NR6A1: variants seen among roughly 807,000 people sequenced by gnomAD.
NR6A1 encodes the protein nuclear receptor subfamily 6 group A member 1.
Under a neutral mutation model 59.1 loss-of-function variants are expected in NR6A1, and 7 were observed. The observed-to-expected ratio is 0.12, with a 90% CI of 0.07 to 0.22. The LOEUF is 0.22. NR6A1 is among the 10% of genes least tolerant of loss of function. The probability of loss-of-function intolerance (pLI) is 1.00; values close to 1 mark genes in which losing one functional copy is unlikely to be tolerated. For synonymous variants in NR6A1, 243 were observed against 236.1 expected (o/e 1.03, Z -0.27); for missense variants, 468 against 611.6 (o/e 0.77, Z 2.48).
chr9:124,536,515 C>T (rs762910849), intron 6 of NR6A1, among the ~76,000 whole-genome samples: 2 of 151,884 alleles, frequency 1.3e-5, no homozygotes, highest in Admixed American at 6.6e-5. Context: ...AAAAATTAGC[C>T]GGGCGTGGTA....
chr9:124,595,421 AAAC>A (rs1237783202), intron 2 of NR6A1, among the ~76,000 whole-genome samples: 2 of 152,196 alleles, frequency 1.3e-5, no homozygotes, highest in South Asian at 2.1e-4. Context: ...GTCAAGAAAT[AAAC>A]AACAATTTTT....
chr9:124,668,585 A>G (rs1837698384), intron 2 of NR6A1, among the ~76,000 whole-genome samples: 1 of 152,200 alleles, frequency 6.6e-6, no homozygotes, highest in African/African-American at 2.4e-5. Context: ...ATTCTTACTA[A>G]TATCTTAGTG....
At chr9:124,668,492 T>C (rs1408055961) in intron 2 of NR6A1, among the ~76,000 whole-genome samples, 1 of 152,238 alleles carries the variant, frequency 6.6e-6, no homozygotes, top group Admixed American at 6.5e-5. Flanking sequence ...ATGACACTGA[T>C]ATATTAATAT....
rs569374136 is a variant in NR6A1, at chr9:124,701,335, C to A, written c.142+31973G>T. Among the ~76,000 whole-genome samples the A allele has an allele frequency of 4.6e-4, 70 of 152,278 alleles. No homozygotes were observed. In the South Asian group the frequency reaches 6.8e-3, roughly 15 times the overall value. Reference sequence around the variant, plus strand: ...CATCTCCCTAATGACTAATTTAGAGCACCTTTGCATGTGATGAAATGTTCT... The same window carrying A: ...CATCTCCCTAATGACTAATTTAGAGAACCTTTGCATGTGATGAAATGTTCT... On this transcript the variant is annotated intron_variant, in intron 2 of 9. Transcript: ENST00000487099.
intron 2 of NR6A1, among the ~76,000 whole-genome samples, chr9:124,611,774 A>AGAGAGAGAGAGAGAGAGAGAAT (rs148472095): frequency 0.061 from 6,402 of 104,528 alleles, 341 homozygotes; most frequent in Admixed American, 0.075. Flanking sequence ...AGAGAGAGAG[A>AGAGAGAGAGAGAGAGAGAGAAT]GAGAGAGAAT....
chr9:124,630,123 T>C (rs1836380377), intron 2 of NR6A1, among the ~76,000 whole-genome samples: 4 of 152,186 alleles, frequency 2.6e-5, no homozygotes, highest in Admixed American at 2.6e-4. Context: ...GTGAATTATA[T>C]TTTATCATAC....
chr9:124,625,826 G>T (rs1191607753), intron 2 of NR6A1, among the ~76,000 whole-genome samples: 1 of 152,014 alleles, frequency 6.6e-6, no homozygotes, highest in African/African-American at 2.4e-5. Context: ...GTGAAGGCCT[G>T]AACAGAACAA....
intron 3 of NR6A1, among the ~76,000 whole-genome samples, chr9:124,551,476 A>G (rs1194373745): frequency 1.3e-5 from 2 of 152,212 alleles, no homozygotes; most frequent in African/African-American, 2.4e-5. Flanking sequence ...ATTCTACTCT[A>G]TTATACAAAT....
chr9:124,700,886 G>T (rs1426771411), intron 2 of NR6A1, among the ~76,000 whole-genome samples: 2 of 150,606 alleles, frequency 1.3e-5, no homozygotes, highest in Non-Finnish European at 2.9e-5. Flanking sequence ...TCAGCCTCCT[G>T]AGTAGCAAGG....
Position 124,554,318 on chromosome 9 carries a change from C to T in NR6A1, c.385+10G>A. On this transcript the variant is annotated intron_variant, in intron 3 of 9. Coordinates refer to ENST00000487099, the MANE Select transcript of NR6A1 (RefSeq NM_033334.4). ...AAGGATGGGCCATCAGAGCCATCAG[C>T]ACCACTCACCCTTCCGGTTCATCCC... The T allele has an allele frequency of 1.2e-6, 2 of 1,614,170 alleles. No individual in the cohort carries two copies. The highest frequency in any genetic ancestry group is 1.7e-6 in the Non-Finnish European group (2 of 1,180,014).
At chr9:124,661,445 A>C (rs1837430183) in intron 2 of NR6A1, among the ~76,000 whole-genome samples, 1 of 152,172 alleles carries the variant, frequency 6.6e-6, no homozygotes, top group Admixed American at 6.5e-5. Flanking sequence ...GGAAGCTATA[A>C]ATGGTTTTGC....
At chr9:124,623,644 C>T (rs1214237018) in intron 2 of NR6A1, among the ~76,000 whole-genome samples, 1 of 152,044 alleles carries the variant, frequency 6.6e-6, no homozygotes, top group African/African-American at 2.4e-5. Flanking sequence ...GCATGGGCCA[C>T]CACACCCAGC....
At chr9:124,712,374 C>T (rs369569379) in intron 2 of NR6A1, among the ~76,000 whole-genome samples, 13 of 151,912 alleles carry the variant, frequency 8.6e-5, no homozygotes, top group Admixed American at 6.6e-4. Flanking sequence ...TTTGGGAGGC[C>T]GAGGCAAGGG....
chr9:124,762,947 T>C (rs888183345), intron 1 of NR6A1, among the ~76,000 whole-genome samples: 2 of 152,252 alleles, frequency 1.3e-5, no homozygotes, highest in South Asian at 4.1e-4. Context: ...CAACCAATAC[T>C]GTCAGTTTTC....
chr9:124,716,399 A>G (rs1447318095), intron 2 of NR6A1, among the ~76,000 whole-genome samples: 1 of 152,344 alleles, frequency 6.6e-6, no homozygotes, highest in South Asian at 2.1e-4. Context: ...CTGCAATCTC[A>G]GGTTAGGCCA....
intron 2 of NR6A1, chr9:124,693,910 C>T (rs202004333): frequency 2.2e-4 from 86 of 396,694 alleles, no homozygotes; most frequent in African/African-American, 1.7e-3. Context: ...TCTTGTTCTC[C>T]TTGGTTCTAA....
intron 2 of NR6A1, among the ~76,000 whole-genome samples, chr9:124,555,183 G>GAACT (rs773402025): frequency 8.5e-5 from 13 of 152,188 alleles, no homozygotes; most frequent in Non-Finnish European, 1.5e-4. Flanking sequence ...CAGAGTCATG[G>GAACT]AACTCACTGA....
chr9:124,627,780 C>T (rs1351767995), intron 2 of NR6A1, among the ~76,000 whole-genome samples: 2 of 151,786 alleles, frequency 1.3e-5, no homozygotes, highest in Non-Finnish European at 2.9e-5. Flanking sequence ...GTCATCTTAC[C>T]CAAGCTGGTC....
chr9:124,748,789 C>T lies in NR6A1; in HGVS notation c.101-15440G>A, dbSNP rs574996686. 1.5e-3 allele frequency among the ~76,000 whole-genome samples: 225 copies of T among 150,170 alleles called. 1 individual carries two copies. Among genetic ancestry groups the T allele is most frequent in the African/African-American group, 5.4e-3 (218 of 40,678 alleles). On this transcript the variant is annotated intron_variant, in intron 1 of 9. Coordinates refer to ENST00000487099, the MANE Select transcript of NR6A1 (RefSeq NM_033334.4). ...CTGAGGCAGGAGAATGGCATGAACC[C>T]GGGAGGTGGAGCTTGCAGTGAGCTG... is the stretch of plus-strand genomic sequence containing the variant.
Sources: gnomAD v4.1 joint callset for allele counts (sites outside exome capture counted in the v4.1 genomes callset) on GRCh38, gnomAD v4.1.1 for gene constraint, MANE v1.5 for transcripts, NCBI Gene and HGNC (gene_info 2026-07-23, HGNC 2026-07-21) for gene names.